Variants in CRYBG3 observed in about 807,000 individuals in gnomAD.
CRYBG3 encodes very large A-kinase anchor protein.
Under a neutral mutation model 244.2 loss-of-function variants are expected in CRYBG3, and 127 were observed. That is an observed-to-expected ratio of 0.52 (90% confidence interval 0.45 to 0.60). The LOEUF (loss-of-function observed/expected upper bound fraction) is 0.60, where lower values mean the gene tolerates loss of function less well. Among genes scored for constraint, CRYBG3 ranks in the 20% least tolerant of loss-of-function variants. The pLI is 0.00. For missense variants in CRYBG3, 3,325 were observed against 3,442.5 expected, an observed-to-expected ratio of 0.97 and a Z score of 0.85; for synonymous variants, 1,132 against 1,195.8, an observed-to-expected ratio of 0.95 and a Z score of 1.10.
intron 17 of CRYBG3, among the ~76,000 whole-genome samples, chr3:97,921,053 A>G (rs918291668): frequency 6.6e-6 from 1 of 151,808 alleles, no homozygotes; most frequent in African/African-American, 2.4e-5. Context: ...ATTATTGCTC[A>G]ATCATTTTCA....
Position 97,888,441 on chromosome 3 carries a change from C to T in CRYBG3, c.7390C>T (p.His2464Tyr), listed in dbSNP as rs778401652. 8 of 1,601,382 alleles carry T rather than the reference C, an allele frequency of 5.0e-6. No homozygotes were observed. The highest frequency in any genetic ancestry group is 6.8e-6 in the Non-Finnish European group (8 of 1,168,780). Reference protein sequence around the residue: ...EISTAEMKSLHPLQMGGLKVE... With the variant: ...EISTAEMKSLYPLQMGGLKVE... ...TTCTACAGCAGAAATGAAATCATTA[C>T]ATCCGCTTCAAATGGTAAGCAAATT... The change falls in exon 9 of 22, where the codon CAT becomes TAT. Residue 2464 changes from histidine (H) to tyrosine (Y), a missense_variant. By Grantham distance (83) the His-to-Tyr change is moderately conservative. This residue lies in a region of CRYBG3 where 714 missense variants were observed against 803.6 expected (regional missense o/e 0.89). Transcript: ENST00000389622.
At chr3:97,940,265 C>T (rs2040212528) in intron 19 of CRYBG3, among the ~76,000 whole-genome samples, 1 of 151,948 alleles carries the variant, frequency 6.6e-6, no homozygotes. Context: ...GTCTCTTATT[C>T]CCTGTGCCTA....
At position 97,877,331 on chromosome 3, in the gene CRYBG3, C is replaced by G; in HGVS notation, c.6137C>G (p.Thr2046Ser). 1 of 1,614,100 alleles carries G rather than the reference C, an allele frequency of 6.2e-7. No homozygotes were observed. Among genetic ancestry groups the G allele is most frequent in the Non-Finnish European group, 8.5e-7 (1 of 1,179,970 alleles). Reference protein sequence around the residue: ...VLACERSESRTDLVHHFEKGT... With the variant: ...VLACERSESRSDLVHHFEKGT... ...GCATGTGAAAGGTCTGAGAGTAGAACTGACCTTGTCCATCACTTTGAAAAA... is the reference window on the plus strand; with the variant it reads ...GCATGTGAAAGGTCTGAGAGTAGAAGTGACCTTGTCCATCACTTTGAAAAA... The change falls in exon 4 of 22, where the codon ACT (threonine) becomes AGT (serine). Residue 2046 changes from threonine (T) to serine (S), a missense_variant. By Grantham distance (58) the Thr-to-Ser change is moderately conservative. Around this residue, in one of 4 missense-constraint regions of CRYBG3, gnomAD observed 450 missense variants for 424.1 expected, o/e 1.06. Coordinates refer to ENST00000389622, the MANE Select transcript of CRYBG3 (RefSeq NM_153605.4).
chr3:97,913,299 A>G (rs1037379158), intron 16 of CRYBG3, among the ~76,000 whole-genome samples: 6 of 152,042 alleles, frequency 3.9e-5, no homozygotes, highest in African/African-American at 1.4e-4. Context: ...TTCCCATCCT[A>G]TTCTCCTCTC....
At chr3:97,878,154 T>A in intron 4 of CRYBG3, 117 bp downstream of exon 4, 2 of 905,134 alleles carry the variant, frequency 2.2e-6, no homozygotes, top group Non-Finnish European at 1.7e-6. Flanking sequence ...CTCATGCCTG[T>A]AATCCTGGCA....
intron 1 of CRYBG3, among the ~76,000 whole-genome samples, chr3:97,836,287 A>G (rs77584263): frequency 0.015 from 2,332 of 152,166 alleles, 49 homozygotes; most frequent in African/African-American, 0.053. Flanking sequence ...GCTAAAATAC[A>G]TACTGTTTGA....
chr3:97,933,422 T>G (rs2040120124), intron 17 of CRYBG3: 1 of 461,756 alleles, frequency 2.2e-6, no homozygotes, highest in Non-Finnish European at 4.0e-6. Flanking sequence ...AATCTGTGAT[T>G]TGGAATCATG....
At chr3:97,834,345 T>A (rs2038699295) in intron 1 of CRYBG3, among the ~76,000 whole-genome samples, 1 of 152,156 alleles carries the variant, frequency 6.6e-6, no homozygotes, top group South Asian at 2.1e-4. Context: ...AATGGCAATG[T>A]CAGAAGTGAC....
intron 17 of CRYBG3, among the ~76,000 whole-genome samples, chr3:97,921,016 C>T (rs1366684577): frequency 6.6e-6 from 1 of 152,184 alleles, no homozygotes; most frequent in South Asian, 2.1e-4. Context: ...AAGCCCAGAC[C>T]ATGACATTAG....
intron 18 of CRYBG3, among the ~76,000 whole-genome samples, chr3:97,936,399 T>TA (rs1394159192): frequency 6.6e-6 from 1 of 151,924 alleles, no homozygotes; most frequent in African/African-American, 2.4e-5. Context: ...GAGCCACACT[T>TA]AGAGGCCCTG....
chr3:97,877,493 C>T lies in CRYBG3; in HGVS notation c.6299C>T (p.Ser2100Phe), dbSNP rs371103630. 2 of 1,614,148 alleles carry T rather than the reference C, an allele frequency of 1.2e-6. No homozygotes were observed. The highest frequency in any genetic ancestry group is 1.7e-6 in the Non-Finnish European group (2 of 1,180,028). Residue 2100 changes from serine to phenylalanine, a missense_variant, in exon 4 of 22, where the codon TCT becomes TTT. Coordinates refer to ENST00000389622, the MANE Select transcript of CRYBG3 (RefSeq NM_153605.4). The stretch of plus-strand genomic sequence containing the variant: ...GACAGCTCACAGGAGGACATTCTAT[C>T]TAGTGAGGTTTCACCTGGTCACCAT... Reference protein sequence around the residue: ...EDDSSQEDILSSEVSPGHHGP... With the variant: ...EDDSSQEDILFSEVSPGHHGP...
Position 97,879,762 on chromosome 3 carries a change from T to G in CRYBG3, c.6888+14T>G. 1 of 1,587,178 alleles carries G rather than the reference T, an allele frequency of 6.3e-7. No homozygotes were observed. The highest frequency in any genetic ancestry group is 8.6e-7 in the Non-Finnish European group (1 of 1,161,418). On this transcript the variant is annotated intron_variant, in intron 5 of 21. Transcript: ENST00000389622. ...AGACCTGGGAAGGTAAGGATAACTT[T>G]CTCAAACTAAGATAAAGGTTAAACA...
At chr3:97,829,771 C>T (rs2108153657) in intron 1 of CRYBG3, among the ~76,000 whole-genome samples, 2 of 152,286 alleles carry the variant, frequency 1.3e-5, no homozygotes, top group East Asian at 3.9e-4. Flanking sequence ...TTGTCTTTGC[C>T]TCAAAGCATG....
At chr3:97,855,363 A>C (rs2039048746) in intron 2 of CRYBG3, among the ~76,000 whole-genome samples, 1 of 152,212 alleles carries the variant, frequency 6.6e-6, no homozygotes, top group South Asian at 2.1e-4. Context: ...TTGCATGATG[A>C]ATTTTTGAAT....
intron 17 of CRYBG3, among the ~76,000 whole-genome samples, chr3:97,931,651 T>G (rs1412441155): frequency 6.6e-6 from 1 of 152,080 alleles, no homozygotes; most frequent in African/African-American, 2.4e-5. Flanking sequence ...TATCTGGGCA[T>G]GCTTTCCTCC....
At chr3:97,925,476 C>T (rs1031026815) in intron 17 of CRYBG3, among the ~76,000 whole-genome samples, 4 of 151,986 alleles carry the variant, frequency 2.6e-5, no homozygotes, top group African/African-American at 7.2e-5. Context: ...CAAATAACCA[C>T]ACATTCCTAT....
intron 1 of CRYBG3, among the ~76,000 whole-genome samples, chr3:97,830,018 C>A (rs1010882346): frequency 6.6e-6 from 1 of 152,066 alleles, no homozygotes; most frequent in Admixed American, 6.6e-5. Flanking sequence ...TATATATTGA[C>A]CTCTGGTAGA....
chr3:97,939,686 G>GTAAT (rs1429328738), intron 19 of CRYBG3, among the ~76,000 whole-genome samples: 1 of 152,036 alleles, frequency 6.6e-6, no homozygotes, highest in Non-Finnish European at 1.5e-5. Context: ...TAATGAAAAT[G>GTAAT]TAATAAAGAT....
At position 97,873,143 on chromosome 3, in the gene CRYBG3, T is replaced by G. The variant is rs2039325597; in HGVS notation, c.1949T>G (p.Leu650Arg). 6.5e-7 allele frequency: 1 copy of G among 1,535,670 alleles called. No individual in the cohort carries two copies. The highest frequency in any genetic ancestry group is 8.7e-7 in the Non-Finnish European group (1 of 1,146,710). Reference sequence around the variant, plus strand: ...TCTCTTAGCCTTGACTGTAAAAAACTAAATTTCAGTATTTCACCTCCTACC... The same window carrying G: ...TCTCTTAGCCTTGACTGTAAAAAACGAAATTTCAGTATTTCACCTCCTACC... ...KTSLSLDCKKLNFSISPPTFV... is the reference protein window; with the variant it reads ...KTSLSLDCKKRNFSISPPTFV... Residue 650 changes from leucine to arginine, a missense_variant, in exon 4 of 22, where the codon CTA (leucine) becomes CGA (arginine). This residue lies in a region of CRYBG3 where 1,526 missense variants were observed against 1,443.2 expected (regional missense o/e 1.06). Coordinates refer to ENST00000389622, the MANE Select transcript of CRYBG3 (RefSeq NM_153605.4).
Sources: allele counts gnomAD v4.1 joint callset (sites outside exome capture counted in the v4.1 genomes callset), GRCh38; gene constraint gnomAD v4.1.1; regional missense constraint gnomAD v4.1.1; transcripts MANE v1.5; gene names NCBI Gene and HGNC (gene_info 2026-07-23, HGNC 2026-07-21).